The following MAGOH variants were observed in gnomAD, a reference collection of about 807,000 sequenced individuals.
MAGOH encodes the protein mago homolog, exon junction complex subunit.
Under a neutral mutation model 20.9 loss-of-function variants are expected in MAGOH, and 3 were observed. The observed-to-expected ratio is 0.14, with a 90% CI of 0.07 to 0.37. The LOEUF is 0.37. Ranked by LOEUF, MAGOH falls within the 10% of genes least tolerant of loss-of-function variation. The probability of loss-of-function intolerance (pLI) is 1.00; values close to 1 mark genes in which losing one functional copy is unlikely to be tolerated. For missense variants in MAGOH, 66 were observed against 178.1 expected, an observed-to-expected ratio of 0.37 and a Z score of 3.58; for synonymous variants, 51 against 61.0, an observed-to-expected ratio of 0.84 and a Z score of 0.76.
intron 3 of MAGOH, 130 bp downstream of exon 3, chr1:53,233,412 G>T (rs556597006): frequency 4.2e-4 from 251 of 595,578 alleles, no homozygotes; most frequent in African/African-American, 3.8e-3. Context: ...ATTTCTCTTT[G>T]TATCTCCACA....
intron 3 of MAGOH, among the ~76,000 whole-genome samples, 176 bp from the exon 4 acceptor site, chr1:53,229,130 C>T (rs571999113): frequency 3.8e-4 from 58 of 151,928 alleles, no homozygotes; most frequent in Non-Finnish European, 6.0e-4. Context: ...ATAAATACAG[C>T]TCATATTTAG....
Position 53,232,713 on chromosome 1 carries a change from C to T in MAGOH, c.258+829G>A, listed in dbSNP as rs1318404553. Among the ~76,000 whole-genome samples, 3 of 152,140 alleles carry T rather than the reference C, an allele frequency of 2.0e-5. No homozygotes were observed. In the East Asian group the frequency reaches 5.8e-4, roughly 29 times the overall value. The stretch of plus-strand genomic sequence containing the variant: ...TTGAACACCATGACAGATTGGAAGC[C>T]CGGTAAAAGATAAGGTGGGAGTTTG... On this transcript the variant is annotated intron_variant, in intron 3 of 4. Coordinates refer to ENST00000371470, the MANE Select transcript of MAGOH (RefSeq NM_002370.4).
At chr1:53,233,378 A>G in intron 3 of MAGOH, 164 bp downstream of exon 3, 1 of 530,228 alleles carries the variant, frequency 1.9e-6, no homozygotes, top group Non-Finnish European at 3.4e-6. Flanking sequence ...TCCTTTCATT[A>G]GATTGTTGAA....
chr1:53,228,934 T>C lies in MAGOH; in HGVS notation c.279A>G (p.Gly93=). 6.2e-7 allele frequency: 1 copy of C among 1,612,748 alleles called. No individual in the cohort carries two copies. The highest frequency in any genetic ancestry group is 8.5e-7 in the Non-Finnish European group (1 of 1,178,806). ...VGRQELEIVI[G]DEHISFTTSK... ...ATGTTGTAAAAGAAATGTGTTCATC[T>C]CCAATGACGATTTCAAGCTCCTAGA... is the stretch of plus-strand genomic sequence containing the variant. The change falls in exon 4 of 5, where the codon GGA becomes GGG. Residue 93 remains glycine (G), a synonymous_variant. Coordinates refer to ENST00000371470, the MANE Select transcript of MAGOH (RefSeq NM_002370.4).
At chr1:53,231,780 T>A (rs1006573239) in intron 3 of MAGOH, among the ~76,000 whole-genome samples, 1 of 152,192 alleles carries the variant, frequency 6.6e-6, no homozygotes, top group Non-Finnish European at 1.5e-5. Context: ...TTAATGCTCA[T>A]TCTATTTGAT....
At chr1:53,235,546 G>A (rs1280140907) in intron 2 of MAGOH, 31 bp downstream of exon 2, 1 of 1,589,442 alleles carries the variant, frequency 6.3e-7, no homozygotes, top group South Asian at 1.1e-5. Context: ...TGTAGCAAAT[G>A]AAGGACTCTC....
chr1:53,229,029 G>T, intron 3 of MAGOH, 75 bp from the exon 4 acceptor site: 1 of 1,019,898 alleles, frequency 9.8e-7, no homozygotes, highest in Non-Finnish European at 1.5e-6. Flanking sequence ...TTAATCATTT[G>T]CCAAATCACA....
chr1:53,230,380 G>A (rs899337819), intron 3 of MAGOH, among the ~76,000 whole-genome samples: 1 of 151,912 alleles, frequency 6.6e-6, no homozygotes, highest in Non-Finnish European at 1.5e-5. Context: ...CCTGTATCCC[G>A]ATTTGTTCCA....
rs111892971 is a variant in MAGOH, at chr1:53,230,117, T to C, written c.259-1163A>G. ...GGTGCTGGCTATTGTTCTCAGTGCTTTGGACAGATAAGTAAAACCAAGCAA... is the reference window on the plus strand; with the variant it reads ...GGTGCTGGCTATTGTTCTCAGTGCTCTGGACAGATAAGTAAAACCAAGCAA... On this transcript the variant is annotated intron_variant, in intron 3 of 4. Coordinates refer to ENST00000371470, the MANE Select transcript of MAGOH (RefSeq NM_002370.4). Among the ~76,000 whole-genome samples, 304 of 152,342 alleles carry C rather than the reference T, an allele frequency of 2.0e-3. 2 individuals are homozygous for C. The highest frequency in any genetic ancestry group is 6.9e-3 in the African/African-American group (287 of 41,578).
chr1:53,238,466 C>T lies in MAGOH; in HGVS notation c.-18G>A, dbSNP rs1460967574. ...CTCTCCATGGCTCCCAAAAGACAACCGAGCCTGAACTTCCAAGAGCAAGCC... is the reference window on the plus strand; with the variant it reads ...CTCTCCATGGCTCCCAAAAGACAACTGAGCCTGAACTTCCAAGAGCAAGCC... On this transcript the variant is annotated 5_prime_UTR_variant, in exon 1 of 5. Transcript: ENST00000371470. 2 of 1,608,234 alleles carry T rather than the reference C, an allele frequency of 1.2e-6. No individual in the cohort carries two copies. Among genetic ancestry groups the T allele is most frequent in the Middle Eastern group, 1.7e-4 (1 of 6,048 alleles).
At chr1:53,232,086 T>C (rs988358653) in intron 3 of MAGOH, among the ~76,000 whole-genome samples, 1 of 152,196 alleles carries the variant, frequency 6.6e-6, no homozygotes, top group African/African-American at 2.4e-5. Flanking sequence ...ATTGTTGTGA[T>C]GGTAGAACGA....
chr1:53,238,242 C>T (rs1645626250), intron 1 of MAGOH, 119 bp downstream of exon 1: 2 of 872,162 alleles, frequency 2.3e-6, no homozygotes, highest in South Asian at 1.4e-5. Context: ...AAGATCTGCA[C>T]TGCACAGGTC....
chr1:53,234,575 C>A (rs1332924043), intron 2 of MAGOH, among the ~76,000 whole-genome samples: 1 of 151,904 alleles, frequency 6.6e-6, no homozygotes, highest in Non-Finnish European at 1.5e-5. Flanking sequence ...AGGGCTTCAC[C>A]GTATTAGCCA....
At chr1:53,230,214 A>G (rs923838619) in intron 3 of MAGOH, among the ~76,000 whole-genome samples, 2 of 152,158 alleles carry the variant, frequency 1.3e-5, no homozygotes, top group African/African-American at 2.4e-5. Context: ...TTTGATTCAT[A>G]TATCCTTTTT....
chr1:53,234,373 C>CTTTT, intron 2 of MAGOH, among the ~76,000 whole-genome samples: 1 of 132,712 alleles, frequency 7.5e-6, no homozygotes, highest in South Asian at 2.4e-4. Flanking sequence ...CCTGGTTATT[C>CTTTT]TTTTTTTTTT....
chr1:53,233,595 T>C lies in MAGOH; in HGVS notation c.205A>G (p.Ile69Val), dbSNP rs776723649. The C allele has an allele frequency of 2.5e-6, 4 of 1,614,186 alleles. No individual in the cohort carries two copies. The highest frequency in any genetic ancestry group is 3.4e-6 in the Non-Finnish European group (4 of 1,180,030). ...CACAATGCATCATCCTCTTTGGTAA[T>C]TTCACTGTCGTCAATTATTCTCTTC... is the stretch of plus-strand genomic sequence containing the variant. ...ELKRIIDDSE[I>V]TKEDDALWPP... is the part of the protein sequence containing the mutation. Residue 69 changes from isoleucine to valine, a missense_variant, in exon 3 of 5, where the codon ATT (isoleucine) becomes GTT (valine). Coordinates refer to ENST00000371470, the MANE Select transcript of MAGOH (RefSeq NM_002370.4).
chr1:53,228,012 G>T (rs1175050289), intron 4 of MAGOH, among the ~76,000 whole-genome samples: 1 of 152,190 alleles, frequency 6.6e-6, no homozygotes, highest in African/African-American at 2.4e-5. Flanking sequence ...AGCCAAAGAA[G>T]TTGCCAAATT....
chr1:53,235,204 T>C (rs1186511230), intron 2 of MAGOH, among the ~76,000 whole-genome samples: 1 of 152,188 alleles, frequency 6.6e-6, no homozygotes, highest in Non-Finnish European at 1.5e-5. Flanking sequence ...GCACTTTAAA[T>C]AGAACATATT....
At chr1:53,237,103 C>G (rs1269366865) in intron 1 of MAGOH, among the ~76,000 whole-genome samples, 2 of 151,684 alleles carry the variant, frequency 1.3e-5, no homozygotes, top group Non-Finnish European at 2.9e-5. Flanking sequence ...CGTCTGCCAC[C>G]ACACCCGGCT....
Sources: allele counts gnomAD v4.1 joint callset (sites outside exome capture counted in the v4.1 genomes callset), GRCh38; gene constraint gnomAD v4.1.1; transcripts MANE v1.5; gene names NCBI Gene and HGNC (gene_info 2026-07-23, HGNC 2026-07-21).